ITPR1: variants seen among roughly 807,000 people sequenced by gnomAD.
ITPR1 encodes the protein inositol 1,4,5-trisphosphate-gated calcium channel ITPR1.
Under a neutral mutation model 318.4 loss-of-function variants are expected in ITPR1, and 96 were observed. The observed-to-expected ratio is 0.30, with a 90% CI of 0.26 to 0.36. The LOEUF is 0.36. ITPR1 is among the 10% of genes least tolerant of loss of function. The pLI, the probability that ITPR1 is intolerant of heterozygous loss-of-function variation, is 1.00. For synonymous variants in ITPR1, 1,312 were observed against 1,289.9 expected (o/e 1.02, Z -0.37); for missense variants, 2,440 against 3,460.2 (o/e 0.71, Z 7.40).
At chr3:4,775,466 T>C in intron 47 of ITPR1, 24 bp downstream of exon 47, 1 of 1,576,538 alleles carries the variant, frequency 6.3e-7, no homozygotes, top group Non-Finnish European at 8.7e-7. Context: ...TGTTTTGGGA[T>C]GGGGAAAAAA....
At position 4,514,175 on chromosome 3, in the gene ITPR1, T is replaced by C. The variant is rs185213159; in HGVS notation, c.-16-2301T>C. ...TTATGTGATGTGGGGATCTTACCTC[T>C]CTGTATTACACCTCAGTGTCTTCAA... On this transcript the variant is annotated intron_variant, in intron 2 of 61. Coordinates refer to ENST00000649015, the MANE Select transcript of ITPR1 (RefSeq NM_001378452.1). Among the ~76,000 whole-genome samples the C allele has an allele frequency of 1.7e-3, 259 of 152,152 alleles. 1 individual carries two copies. Among genetic ancestry groups the C allele is most frequent in the Admixed American group, 0.015 (227 of 15,290 alleles).
chr3:4,725,326 C>G (rs551678272), intron 40 of ITPR1, among the ~76,000 whole-genome samples: 1 of 152,186 alleles, frequency 6.6e-6, no homozygotes, highest in Non-Finnish European at 1.5e-5. Flanking sequence ...TCCCCCATCG[C>G]AGGTCGATTG....
intron 4 of ITPR1, among the ~76,000 whole-genome samples, chr3:4,570,186 ACTT>A: frequency 6.6e-6 from 1 of 152,166 alleles, no homozygotes; most frequent in Non-Finnish European, 1.5e-5. Flanking sequence ...CTTCTTTCAA[ACTT>A]CTTAAGTTCC....
intron 18 of ITPR1, among the ~76,000 whole-genome samples, chr3:4,667,838 C>T (rs1394471950): frequency 2.0e-5 from 3 of 151,998 alleles, no homozygotes; most frequent in Non-Finnish European, 2.9e-5. Flanking sequence ...AGAATAAACG[C>T]AGGTGACGTG....
At position 4,494,124 on chromosome 3, in the gene ITPR1, G is replaced by T. The variant is rs540096491; in HGVS notation, c.-92-307G>T. Among the ~76,000 whole-genome samples the T allele has an allele frequency of 2.6e-5, 4 of 152,340 alleles. No individual in the cohort carries two copies. The South Asian group carries it at 6.2e-4, about 24-fold the overall frequency. On this transcript the variant is annotated intron_variant, in intron 1 of 61. Transcript: ENST00000649015. ...TGAGGATGCGGGCTTCGGATACTTGGCCTTCTCGCCGGGAAACAAGTGCTT... is the reference window on the plus strand; with the variant it reads ...TGAGGATGCGGGCTTCGGATACTTGTCCTTCTCGCCGGGAAACAAGTGCTT...
chr3:4,787,962 C>T lies in ITPR1; in HGVS notation c.6631C>T (p.Arg2211Ter), dbSNP rs1468316953. 3.1e-6 allele frequency: 5 copies of T among 1,610,062 alleles called. No individual in the cohort carries two copies. Among genetic ancestry groups the T allele is most frequent in the African/African-American group, 1.3e-5 (1 of 74,706 alleles). ...TTCATCCTAGATTGTCAGATTAGAC[C>T]GAACAATGGAACAGATAGTCTTTCC... ...TAQIEIVRLD[R>*]TMEQIVFPVP... Residue 2211 changes from arginine (R) to a stop codon, truncating the protein, a stop_gained, in exon 52 of 62, where the codon CGA becomes TGA. Transcript: ENST00000649015. LOFTEE classifies it high-confidence loss of function.
chr3:4,675,897 T>A lies in ITPR1; in HGVS notation c.2779+649T>A, dbSNP rs997585772. On this transcript the variant is annotated intron_variant, in intron 23 of 61. Coordinates refer to ENST00000649015, the MANE Select transcript of ITPR1 (RefSeq NM_001378452.1). ...ATGTTGCATTATACCATTTAGTTCT[T>A]TTGTTGAGCTCCTTTATTTCCATTT... 2.6e-5 allele frequency among the ~76,000 whole-genome samples: 4 copies of A among 152,268 alleles called. No individual in the cohort carries two copies. The East Asian group carries it at 7.7e-4, about 29-fold the overall frequency.
intron 44 of ITPR1, among the ~76,000 whole-genome samples, chr3:4,740,844 G>A (rs1331702105): frequency 6.6e-6 from 1 of 152,158 alleles, no homozygotes; most frequent in African/African-American, 2.4e-5. Context: ...CAGGTGATAG[G>A]ATCACGCTTG....
intron 51 of ITPR1, among the ~76,000 whole-genome samples, chr3:4,787,225 G>A (rs2047251002): frequency 6.8e-6 from 1 of 146,460 alleles, no homozygotes; most frequent in Admixed American, 7.2e-5. Flanking sequence ...AATTGATCCA[G>A]ATAAAAGTTG....
At chr3:4,757,938 G>A (rs1243225237) in intron 44 of ITPR1, among the ~76,000 whole-genome samples, 1 of 152,130 alleles carries the variant, frequency 6.6e-6, no homozygotes, top group Non-Finnish European at 1.5e-5. Flanking sequence ...GCAGGAGTGG[G>A]TTAGTCTGGT....
intron 31 of ITPR1, among the ~76,000 whole-genome samples, chr3:4,690,437 TA>T (rs1321721024): frequency 2.8e-4 from 43 of 152,290 alleles, no homozygotes; most frequent in African/African-American, 9.6e-4. Flanking sequence ...AAGATGTGGC[TA>T]AAATTTAAAA....
At chr3:4,842,978 G>A (rs1039734524) in intron 61 of ITPR1, among the ~76,000 whole-genome samples, 2 of 151,764 alleles carry the variant, frequency 1.3e-5, no homozygotes, top group Non-Finnish European at 2.9e-5. Context: ...GAAATTATGT[G>A]AGAATATGCA....
At chr3:4,735,501 TCTGCTAGTATC>T (rs1270475084) in intron 44 of ITPR1, 147 bp downstream of exon 44, 6 of 637,514 alleles carry the variant, frequency 9.4e-6, no homozygotes, top group African/African-American at 1.8e-5. Flanking sequence ...AAAAATGAGT[TCTGCTAGTATC>T]CTGCTGTGAT....
At chr3:4,747,790 T>C (rs1173291236) in intron 44 of ITPR1, among the ~76,000 whole-genome samples, 1 of 152,192 alleles carries the variant, frequency 6.6e-6, no homozygotes, top group Non-Finnish European at 1.5e-5. Context: ...TTCCTCACTG[T>C]GGAAGAGATT....
At chr3:4,734,561 A>T (rs2043145229) in intron 43 of ITPR1, among the ~76,000 whole-genome samples, 1 of 152,242 alleles carries the variant, frequency 6.6e-6, no homozygotes, top group African/African-American at 2.4e-5. Flanking sequence ...GTCCTTAAAT[A>T]TGTACCTCCC....
chr3:4,654,940 G>A (rs1402120427), intron 12 of ITPR1, among the ~76,000 whole-genome samples: 1 of 152,094 alleles, frequency 6.6e-6, no homozygotes, highest in Non-Finnish European at 1.5e-5. Flanking sequence ...CCTTACTGGG[G>A]TACCCGAGGC....
chr3:4,504,537 C>T (rs2081267116), intron 2 of ITPR1, among the ~76,000 whole-genome samples: 1 of 152,118 alleles, frequency 6.6e-6, no homozygotes, highest in Non-Finnish European at 1.5e-5. Context: ...TGGGGACATG[C>T]TGCATTTCTG....
intron 32 of ITPR1, 22 bp downstream of exon 32, chr3:4,691,366 A>T (rs770761591): frequency 2.0e-6 from 3 of 1,507,958 alleles, no homozygotes; most frequent in Non-Finnish European, 1.8e-6. Context: ...ATATTTCTGT[A>T]TACCTCCATC....
intron 20 of ITPR1, 61 bp from the exon 21 acceptor site, chr3:4,673,075 C>T: frequency 6.4e-7 from 1 of 1,551,386 alleles, no homozygotes; most frequent in Non-Finnish European, 8.8e-7. Context: ...CCCAGACGAC[C>T]CTTCATTCAT....
Sources: allele counts gnomAD v4.1 joint callset (sites outside exome capture counted in the v4.1 genomes callset), GRCh38; gene constraint gnomAD v4.1.1; transcripts MANE v1.5; gene names NCBI Gene and HGNC (gene_info 2026-07-23, HGNC 2026-07-21).